Variants in HTT observed in about 807,000 individuals in gnomAD.
The protein encoded by HTT is huntington disease protein.
Under a neutral mutation model 362.3 loss-of-function variants are expected in HTT, and 104 were observed. The observed-to-expected ratio is 0.29, with a 90% confidence interval of 0.24 to 0.34. HTT has a LOEUF of 0.34. Among genes scored for constraint, HTT ranks in the 10% least tolerant of loss-of-function variants. HTT has a pLI of 1.00. For missense variants in HTT, 3,301 were observed against 3,928.6 expected, an observed-to-expected ratio of 0.84 and a Z score of 4.27; for synonymous variants, 1,577 against 1,548.7, an observed-to-expected ratio of 1.02 and a Z score of -0.43.
At position 3,175,051 on chromosome 4, in the gene HTT, T is replaced by A. The variant is rs751683630; in HGVS notation, c.4351T>A (p.Leu1451Met). Residue 1451 changes from leucine (L) to methionine (M), a missense_variant, in exon 33 of 67, where the codon TTG becomes ATG. Transcript: ENST00000355072. ...GCAGTTACAGAAGCAGGTTTTAGAT[T>A]TGCTGGCGCAGCTGGTTCAGTTACG... ...CVQLQKQVLD[L>M]LAQLVQLRVN... is the part of the protein sequence containing the mutation. The A allele has an allele frequency of 4.9e-5, 79 of 1,614,222 alleles. No individual in the cohort carries two copies. The highest frequency in any genetic ancestry group is 6.5e-5 in the Non-Finnish European group (77 of 1,180,014).
At chr4:3,168,030 T>C (rs1489167783) in intron 29 of HTT, among the ~76,000 whole-genome samples, 1 of 152,212 alleles carries the variant, frequency 6.6e-6, no homozygotes. Flanking sequence ...TTATCCGTGG[T>C]CTTTTAGAGG....
At chr4:3,171,436 G>T (rs1246826730) in intron 29 of HTT, among the ~76,000 whole-genome samples, 1 of 151,670 alleles carries the variant, frequency 6.6e-6, no homozygotes, top group African/African-American at 2.4e-5. Context: ...CAGAATGGTG[G>T]CGCTCTTTGA....
At position 3,135,557 on chromosome 4, in the gene HTT, C is replaced by T. The variant is rs551543811; in HGVS notation, c.2634-347C>T. Among the ~76,000 whole-genome samples, 73 of 152,012 alleles carry T rather than the reference C, an allele frequency of 4.8e-4. 1 individual carries two copies. The South Asian group carries it at 0.014, about 29-fold the overall frequency. On this transcript the variant is annotated intron_variant, in intron 19 of 66. Transcript: ENST00000355072. ...TCTCGGCTCCACCCACAGATAGGGA[C>T]GCTGAGCGTGCATGAGTGGGCAGCA...
intron 27 of HTT, among the ~76,000 whole-genome samples, 189 bp from the exon 28 acceptor site, chr4:3,156,883 A>G (rs147193334): frequency 6.9e-4 from 105 of 152,350 alleles, no homozygotes; most frequent in Admixed American, 1.8e-3. Context: ...TTATTTAAAA[A>G]GTACTTAGGC....
chr4:3,081,803 C>T (rs1355319112), intron 1 of HTT, among the ~76,000 whole-genome samples: 11 of 151,734 alleles, frequency 7.2e-5, no homozygotes, highest in Admixed American at 4.6e-4. Flanking sequence ...GTGATCCACC[C>T]GCCTCAGCCT....
intron 38 of HTT, 101 bp from the exon 39 acceptor site, chr4:3,187,550 T>C: frequency 1.3e-6 from 1 of 782,284 alleles, no homozygotes; most frequent in Admixed American, 2.1e-5. Flanking sequence ...ATTGGTAGGA[T>C]AGTAAAATAG....
At chr4:3,084,970 C>T (rs1222736621) in intron 1 of HTT, among the ~76,000 whole-genome samples, 2 of 150,294 alleles carry the variant, frequency 1.3e-5, no homozygotes, top group African/African-American at 2.5e-5. Context: ...GCTGAGATCG[C>T]GCCACTGCAC....
chr4:3,173,436 C>T (rs1718084235), intron 31 of HTT, among the ~76,000 whole-genome samples: 1 of 152,098 alleles, frequency 6.6e-6, no homozygotes, highest in East Asian at 1.9e-4. Context: ...CAAAGTGTGT[C>T]AGCAAACCAG....
At chr4:3,224,627 C>T (rs994113243) in intron 56 of HTT, among the ~76,000 whole-genome samples, 4 of 152,178 alleles carry the variant, frequency 2.6e-5, no homozygotes, top group South Asian at 2.1e-4. Flanking sequence ...TCACAGGCAT[C>T]GGAGCTTGTC....
chr4:3,136,908 C>A (rs574517633), intron 21 of HTT, among the ~76,000 whole-genome samples: 1 of 151,388 alleles, frequency 6.6e-6, no homozygotes, highest in African/African-American at 2.4e-5. Context: ...TTACCAGGCC[C>A]GGCTTTGAAT....
At chr4:3,229,057 CCA>C (rs1560603796) in intron 59 of HTT, 48 bp downstream of exon 59, 6 of 1,552,240 alleles carry the variant, frequency 3.9e-6, no homozygotes, top group African/African-American at 2.7e-5. Context: ...GCCACACGCA[CCA>C]CACACGCCAC....
intron 1 of HTT, among the ~76,000 whole-genome samples, chr4:3,078,854 T>C (rs1288954983): frequency 1.3e-5 from 2 of 151,888 alleles, no homozygotes; most frequent in South Asian, 4.2e-4. Context: ...CCTGCCTCAG[T>C]CTCCCAAGTA....
Position 3,218,769 on chromosome 4 carries a change from G to A in HTT, c.7242+817G>A, listed in dbSNP as rs1408655207. On this transcript the variant is annotated intron_variant, in intron 52 of 66. Transcript: ENST00000355072. This position sits in a 1 kb window ranked among gnomAD's most constrained non-coding sequence, Gnocchi z 4.4. ...AAATGGCATCATCTCCCACCAGCCC[G>A]CTGAAATAAGATGATGGGGCCTGTT... Among the ~76,000 whole-genome samples, 3 of 152,176 alleles carry A rather than the reference G, an allele frequency of 2.0e-5. No homozygotes were observed. Among genetic ancestry groups the A allele is most frequent in the Admixed American group, 6.5e-5 (1 of 15,268 alleles).
chr4:3,231,062 C>T lies in HTT; in HGVS notation c.8265+1020C>T, dbSNP rs61147230. Among the ~76,000 whole-genome samples, 260 of 152,364 alleles carry T rather than the reference C, an allele frequency of 1.7e-3. 2 individuals carry two copies. In the East Asian group the frequency reaches 0.028, roughly 16 times the overall value. Reference sequence around the variant, plus strand: ...CACCTGCACACGTGAAATCATTGCCCGTGGGTCCCGACATCTGGCGAAGCA... The same window carrying T: ...CACCTGCACACGTGAAATCATTGCCTGTGGGTCCCGACATCTGGCGAAGCA... On this transcript the variant is annotated intron_variant, in intron 60 of 66. Transcript: ENST00000355072.
At chr4:3,207,776 C>G (rs986440558) in intron 45 of HTT, among the ~76,000 whole-genome samples, 1 of 152,228 alleles carries the variant, frequency 6.6e-6, no homozygotes, top group African/African-American at 2.4e-5. Flanking sequence ...ACATCTGCAT[C>G]CTGTTGCCAT....
chr4:3,169,003 A>ATTCTTTCTTTCTTTCT lies in HTT; in HGVS notation c.3865-3310_3865-3295dup, dbSNP rs113879546. Reference sequence around the variant, plus strand: ...TTTAAAGTTTGGAAAATTTTAGGCCATTCTTTCTTTCTTTCTTTCTTTTTT... The same window carrying ATTCTTTCTTTCTTTCT: ...TTTAAAGTTTGGAAAATTTTAGGCCATTCTTTCTTTCTTTCTTTCTTTCTTTCTTTCTTTCTTTTTT... On this transcript the variant is annotated intron_variant, in intron 29 of 66. Transcript: ENST00000355072. Among the ~76,000 whole-genome samples, 155 of 143,556 alleles carry ATTCTTTCTTTCTTTCT rather than the reference A, an allele frequency of 1.1e-3. 1 individual carries two copies. Among genetic ancestry groups the ATTCTTTCTTTCTTTCT allele is most frequent in the Admixed American group, 1.6e-3 (23 of 14,568 alleles). The allele number at this position is 143,556 out of a possible 152,430, so 94.2% of individuals were successfully genotyped here.
At chr4:3,152,940 C>A (rs1241552800) in intron 26 of HTT, among the ~76,000 whole-genome samples, 1 of 151,954 alleles carries the variant, frequency 6.6e-6, no homozygotes, top group African/African-American at 2.4e-5. Context: ...CGTGAGCCAC[C>A]ATGCCCGGCT....
Position 3,215,226 on chromosome 4 carries a change from C to G in HTT, c.7054+15C>G. On this transcript the variant is annotated intron_variant, in intron 51 of 66. Transcript: ENST00000355072. ...AAACACACAGAGTAAGTCTCAGGAC[C>G]CATTTTTTTCTTACATGTTGTTCCT... is the stretch of plus-strand genomic sequence containing the variant. 1 of 1,590,446 alleles carries G rather than the reference C, an allele frequency of 6.3e-7. No homozygotes were observed. The highest frequency in any genetic ancestry group is 8.6e-7 in the Non-Finnish European group (1 of 1,160,516).
intron 29 of HTT, among the ~76,000 whole-genome samples, chr4:3,165,036 G>C (rs1348063983): frequency 6.6e-6 from 1 of 152,098 alleles, no homozygotes; most frequent in Non-Finnish European, 1.5e-5. Context: ...TTACAATTTG[G>C]CATGTTTTTG....
Sources: gnomAD v4.1 joint callset for allele counts (sites outside exome capture counted in the v4.1 genomes callset) on GRCh38, gnomAD v4.1.1 for gene constraint, Gnocchi (gnomAD v3.1) non-coding constraint, MANE v1.5 for transcripts, NCBI Gene and HGNC (gene_info 2026-07-23, HGNC 2026-07-21) for gene names.